Variants in PCNX1 observed in about 807,000 individuals in gnomAD.
PCNX1 encodes pecanex-like protein 1.
In PCNX1, 78 loss-of-function variants were observed where a neutral mutation model predicts 242.2. The ratio of observed to expected loss-of-function variants is 0.32; its 90% CI spans 0.27 to 0.39. The LOEUF is 0.39. PCNX1 is among the 10% of genes least tolerant of loss of function. PCNX1 has a pLI of 1.00. For missense variants in PCNX1, 2,581 were observed against 2,856.5 expected (o/e 0.90, Z 2.20); for synonymous variants, 1,024 against 1,032.9 (o/e 0.99, Z 0.17).
chr14:71,079,576 C>T (rs921057133), intron 28 of PCNX1, among the ~76,000 whole-genome samples: 4 of 152,118 alleles, frequency 2.6e-5, no homozygotes, highest in African/African-American at 9.7e-5. Flanking sequence ...GCCATTCTAA[C>T]GGGAGTGAGA....
chr14:71,013,001 T>C lies in PCNX1; in HGVS notation c.2795T>C (p.Ile932Thr). Residue 932 changes from isoleucine to threonine, a missense_variant, in exon 11 of 36, where the codon ATT (isoleucine) becomes ACT (threonine). By Grantham distance (89) the Ile-to-Thr change is moderately conservative (BLOSUM62 -1). Around this residue, in one of 9 missense-constraint regions of PCNX1, gnomAD observed 1,204 missense variants for 1,216.7 expected, o/e 0.99. Coordinates refer to ENST00000304743, the MANE Select transcript of PCNX1 (RefSeq NM_014982.3). ...TTCTTTTAGCTCTCTCTCCCACAGA[T>C]TCGATTGAATAGACTATTGACCATT... Reference protein sequence around the residue: ...YPHDVLSLPQIRLNRLLTIDT... With the variant: ...YPHDVLSLPQTRLNRLLTIDT... 13 of 1,613,332 alleles carry C rather than the reference T, an allele frequency of 8.1e-6. No individual in the cohort carries two copies. The highest frequency in any genetic ancestry group is 1.1e-5 in the Non-Finnish European group (13 of 1,179,254).
chr14:71,006,563 G>A (rs987493227), intron 8 of PCNX1, among the ~76,000 whole-genome samples: 1 of 151,990 alleles, frequency 6.6e-6, no homozygotes, highest in African/African-American at 2.4e-5. Context: ...TAGTATTGAA[G>A]TATTTTTCTT....
intron 1 of PCNX1, among the ~76,000 whole-genome samples, chr14:70,912,737 C>T (rs1397511134): frequency 1.3e-5 from 2 of 152,052 alleles, no homozygotes; most frequent in African/African-American, 4.8e-5. Flanking sequence ...GAAAAAAATC[C>T]AGAATCTTTA....
chr14:70,998,272 T>C (rs1440702469), intron 8 of PCNX1, among the ~76,000 whole-genome samples: 1 of 152,200 alleles, frequency 6.6e-6, no homozygotes. Context: ...CTTATTTCTC[T>C]GGCATTTTAA....
intron 1 of PCNX1, among the ~76,000 whole-genome samples, chr14:70,921,368 G>T (rs1375422559): frequency 6.6e-6 from 1 of 152,060 alleles, no homozygotes; most frequent in East Asian, 1.9e-4. Flanking sequence ...ATATGTATTT[G>T]ATTTATATAT....
intron 8 of PCNX1, among the ~76,000 whole-genome samples, chr14:70,997,747 G>A (rs1167429793): frequency 6.6e-6 from 1 of 152,046 alleles, no homozygotes; most frequent in East Asian, 1.9e-4. Context: ...TGCCTATAAA[G>A]TTGGCCAAAA....
At chr14:70,988,400 T>G (rs1029291818) in intron 6 of PCNX1, among the ~76,000 whole-genome samples, 167 bp from the exon 7 acceptor site, 1 of 152,232 alleles carries the variant, frequency 6.6e-6, no homozygotes, top group Non-Finnish European at 1.5e-5. Flanking sequence ...ACAGATACTT[T>G]TTGTGTATTA....
intron 32 of PCNX1, 39 bp downstream of exon 32, chr14:71,103,708 C>T: frequency 6.3e-7 from 1 of 1,596,060 alleles, no homozygotes; most frequent in Non-Finnish European, 8.6e-7. Flanking sequence ...CTGGTGTATT[C>T]CTGACCCTCT....
chr14:71,054,621 A>G (rs2061130506), intron 24 of PCNX1, among the ~76,000 whole-genome samples: 1 of 152,132 alleles, frequency 6.6e-6, no homozygotes. Context: ...TAATTTTTCC[A>G]TCAGTGTTAA....
At chr14:71,094,906 G>A (rs2062232913) in intron 30 of PCNX1, among the ~76,000 whole-genome samples, 1 of 152,176 alleles carries the variant, frequency 6.6e-6, no homozygotes, top group Non-Finnish European at 1.5e-5. Flanking sequence ...ACTCCAGCCT[G>A]AGCGACAGAC....
chr14:70,911,645 TA>T (rs1366337860), intron 1 of PCNX1, among the ~76,000 whole-genome samples: 1 of 152,176 alleles, frequency 6.6e-6, no homozygotes, highest in East Asian at 1.9e-4. Flanking sequence ...TTGGCTTTGT[TA>T]TTGATTGTGT....
chr14:70,949,336 CG>C (rs1267544693), intron 2 of PCNX1, among the ~76,000 whole-genome samples: 30 of 139,696 alleles, frequency 2.1e-4, no homozygotes, highest in Admixed American at 5.6e-4. Context: ...TATACACGCA[CG>C]TGCATACACG....
chr14:70,928,070 A>G (rs2810115), intron 1 of PCNX1, among the ~76,000 whole-genome samples: 96,268 of 151,886 alleles, frequency 0.63, 30,777 homozygotes, highest in South Asian at 0.72. Context: ...TAATACTTTC[A>G]TTATTGAATT....
chr14:71,085,796 T>G (rs567272971), intron 28 of PCNX1: 12 of 365,308 alleles, frequency 3.3e-5, no homozygotes, highest in Admixed American at 3.0e-4. Flanking sequence ...CTTCAGCCCA[T>G]CCTTAGGAGC....
At chr14:70,952,425 C>G (rs1323875282) in intron 2 of PCNX1, among the ~76,000 whole-genome samples, 1 of 152,188 alleles carries the variant, frequency 6.6e-6, no homozygotes, top group Non-Finnish European at 1.5e-5. Flanking sequence ...CTTTTCCCTT[C>G]AGGAGTAACC....
chr14:70,949,406 C>CAT (rs1491224118), intron 2 of PCNX1, among the ~76,000 whole-genome samples: 1 of 148,654 alleles, frequency 6.7e-6, no homozygotes, highest in Non-Finnish European at 1.5e-5. Context: ...TGTGTGTGTA[C>CAT]ATATATATGT....
At position 71,051,022 on chromosome 14, in the gene PCNX1, GC is replaced by G. The variant is rs201328265; in HGVS notation, c.4447+264del. Among the ~76,000 whole-genome samples the G allele has an allele frequency of 6.5e-3, 985 of 152,006 alleles. 6 individuals carry two copies. The highest frequency in any genetic ancestry group is 8.4e-3 in the Non-Finnish European group (572 of 67,956). On this transcript the variant is annotated intron_variant, in intron 23 of 35. Transcript: ENST00000304743. ...CATCTCCACTGAAAATACTAAATGA[GC>G]CGGGTGTGGTGGCACATGCCTGTAA...
intron 28 of PCNX1, among the ~76,000 whole-genome samples, chr14:71,077,796 C>T (rs1025312408): frequency 2.6e-5 from 4 of 152,158 alleles, no homozygotes; most frequent in African/African-American, 7.2e-5. Context: ...AAATACTTCG[C>T]GTACTGTTCT....
intron 2 of PCNX1, among the ~76,000 whole-genome samples, chr14:70,961,357 C>T (rs889543156): frequency 3.9e-5 from 6 of 152,222 alleles, no homozygotes; most frequent in African/African-American, 7.2e-5. Context: ...TCAGAAATAA[C>T]GCCGCATATC....
Sources: gnomAD v4.1 joint callset for allele counts (sites outside exome capture counted in the v4.1 genomes callset) on GRCh38, gnomAD v4.1.1 for gene constraint, gnomAD v4.1.1 regional missense constraint, MANE v1.5 for transcripts, NCBI Gene and HGNC (gene_info 2026-07-23, HGNC 2026-07-21) for gene names.